The following VWA8 variants were observed in gnomAD, a reference collection of about 807,000 sequenced individuals.
The protein encoded by VWA8 is von Willebrand factor A domain containing 8.
A neutral mutation model predicts 241.5 loss-of-function variants in VWA8; 221 were observed. That is an observed-to-expected ratio of 0.91 (90% confidence interval 0.82 to 1.02). The LOEUF is 1.02. Among genes scored for constraint, VWA8 ranks in the 50% least tolerant of loss-of-function variants. The pLI is 0.00. For synonymous variants in VWA8, 852 were observed against 827.1 expected (o/e 1.03, Z -0.52); for missense variants, 2,322 against 2,328.7 (o/e 1.00, Z 0.06).
In VWA8 at chr13:41,581,054, C is replaced by CT. The variant is rs2044379590; in HGVS notation, c.5272-5217_5272-5216insA. On this transcript the variant is annotated intron_variant, in intron 42 of 44. Transcript: ENST00000379310. Reference sequence around the variant, plus strand: ...TCTCGCTGTCGTCCAGGCTGGAGTGCAGTGGCGCAATCTCGGCTCACTGCA... The same window carrying CT: ...TCTCGCTGTCGTCCAGGCTGGAGTGCTAGTGGCGCAATCTCGGCTCACTGCA... 2.6e-5 allele frequency among the ~76,000 whole-genome samples: 2 copies of CT among 78,294 alleles called. 1 individual carries two copies. The highest frequency in any genetic ancestry group is 4.2e-5 in the Non-Finnish European group (2 of 47,426). 51.4% of individuals were successfully genotyped at this position (78,294 alleles called of 152,430 possible).
intron 2 of VWA8, among the ~76,000 whole-genome samples, chr13:41,929,996 G>C (rs1006438880): frequency 4.6e-5 from 7 of 152,046 alleles, no homozygotes; most frequent in African/African-American, 1.4e-4. Flanking sequence ...TCTGGTGAGG[G>C]GCTAATATCC....
intron 3 of VWA8, among the ~76,000 whole-genome samples, 177 bp downstream of exon 3, chr13:41,911,861 T>C (rs998997272): frequency 6.6e-6 from 1 of 152,240 alleles, no homozygotes; most frequent in African/African-American, 2.4e-5. Context: ...GCTAAAGCTA[T>C]ACATTTGACT....
intron 19 of VWA8, 131 bp from the exon 20 acceptor site, chr13:41,778,187 C>T (rs891352366): frequency 1.9e-6 from 1 of 513,428 alleles, no homozygotes; most frequent in Non-Finnish European, 3.0e-6. Context: ...TTTGATATAA[C>T]CCAAAATTAA....
Position 41,880,599 on chromosome 13 carries a change from C to T in VWA8, c.1080+2788G>A, listed in dbSNP as rs553569131. 3.3e-5 allele frequency among the ~76,000 whole-genome samples: 5 copies of T among 152,318 alleles called. No homozygotes were observed. The South Asian group carries it at 1.0e-3, about 32-fold the overall frequency. On this transcript the variant is annotated intron_variant, in intron 9 of 44. Coordinates refer to ENST00000379310, the MANE Select transcript of VWA8 (RefSeq NM_015058.2). ...TCCAATCTCTTCAGTCTCCTTTAGC[C>T]TGGAACATTTCTATGTTTTTCCCTG...
rs1443115249 is a variant in VWA8, at chr13:41,671,156, A to T, written c.4410-9T>A. 6.2e-7 allele frequency: 1 copy of T among 1,613,144 alleles called. No homozygotes were observed. The highest frequency in any genetic ancestry group is 1.1e-5 in the South Asian group (1 of 91,020). ...GCGAGAGAGATTCTGATCTGGAAAA[A>T]GGAATCCAAGTGAAGCTAAGAGACC... On this transcript the variant is annotated splice_polypyrimidine_tract_variant and intron_variant, in intron 36 of 44. Transcript: ENST00000379310.
intron 12 of VWA8, among the ~76,000 whole-genome samples, chr13:41,850,577 T>C (rs1872489794): frequency 6.6e-6 from 1 of 152,086 alleles, no homozygotes; most frequent in Non-Finnish European, 1.5e-5. Context: ...CTCAGAGACT[T>C]AGTTGATAGG....
At chr13:41,834,930 A>G (rs531623396) in intron 12 of VWA8, among the ~76,000 whole-genome samples, 4 of 152,228 alleles carry the variant, frequency 2.6e-5, no homozygotes, top group Non-Finnish European at 5.9e-5. Context: ...TGTCCTTTGC[A>G]GGGACATGGA....
chr13:41,833,340 T>A, intron 13 of VWA8, 31 bp downstream of exon 13: 3 of 1,581,478 alleles, frequency 1.9e-6, no homozygotes, highest in Non-Finnish European at 1.7e-6. Flanking sequence ...GGGGTGTGTG[T>A]CTGTGTGTGA....
chr13:41,805,391 C>T (rs1224008967), intron 17 of VWA8, among the ~76,000 whole-genome samples: 1 of 152,112 alleles, frequency 6.6e-6, no homozygotes, highest in Non-Finnish European at 1.5e-5. Flanking sequence ...TATATATGCA[C>T]CCAATACTAG....
chr13:41,773,462 C>T (rs1420595753), intron 20 of VWA8, among the ~76,000 whole-genome samples: 1 of 152,146 alleles, frequency 6.6e-6, no homozygotes. Context: ...TATAACTCTC[C>T]TAGATGATCA....
intron 24 of VWA8, among the ~76,000 whole-genome samples, chr13:41,724,796 T>C (rs2045419444): frequency 2.6e-5 from 4 of 152,206 alleles, no homozygotes; most frequent in Admixed American, 2.0e-4. Flanking sequence ...TTTCAATCTC[T>C]TGCAGTAAGT....
chr13:41,917,934 A>G (rs1462641707), intron 2 of VWA8, among the ~76,000 whole-genome samples: 1 of 152,228 alleles, frequency 6.6e-6, no homozygotes, highest in Non-Finnish European at 1.5e-5. Context: ...CAAAGGAAGC[A>G]TGACTAACCT....
chr13:41,690,588 CTT>C (rs1306905902), intron 32 of VWA8, among the ~76,000 whole-genome samples: 2 of 152,054 alleles, frequency 1.3e-5, no homozygotes, highest in African/African-American at 4.8e-5. Context: ...TGATAAAACT[CTT>C]TGATCAGCCA....
chr13:41,616,489 C>G (rs2044620713), intron 37 of VWA8, among the ~76,000 whole-genome samples: 2 of 151,606 alleles, frequency 1.3e-5, no homozygotes, highest in Admixed American at 1.3e-4. Flanking sequence ...TAGCTAGGAA[C>G]ATTTAGAGAA....
intron 21 of VWA8, among the ~76,000 whole-genome samples, chr13:41,756,529 T>C (rs2045696084): frequency 6.6e-6 from 1 of 151,724 alleles, no homozygotes; most frequent in African/African-American, 2.4e-5. Flanking sequence ...GATTTTAATT[T>C]CCAAAGCCAT....
chr13:41,747,986 T>C (rs2045623159), intron 21 of VWA8, among the ~76,000 whole-genome samples: 1 of 152,240 alleles, frequency 6.6e-6, no homozygotes, highest in African/African-American at 2.4e-5. Context: ...GATGTGCTGC[T>C]GGATTCGGTT....
intron 12 of VWA8, among the ~76,000 whole-genome samples, chr13:41,847,343 G>A (rs1453891396): frequency 6.6e-6 from 1 of 152,144 alleles, no homozygotes; most frequent in East Asian, 1.9e-4. Flanking sequence ...CATCAAAAAC[G>A]CTTTCTCTAC....
intron 1 of VWA8, among the ~76,000 whole-genome samples, chr13:41,950,667 C>CTT (rs373790890): frequency 0.12 from 13,875 of 119,380 alleles, 1,164 homozygotes; most frequent in African/African-American, 0.22. Flanking sequence ...CACACTCAGC[C>CTT]TTTTTTTTTT....
At chr13:41,761,975 C>T (rs999135498) in intron 20 of VWA8, among the ~76,000 whole-genome samples, 2 of 152,052 alleles carry the variant, frequency 1.3e-5, no homozygotes, top group Admixed American at 1.3e-4. Context: ...AAGCTGACTT[C>T]ATATCATACA....
Sources: gnomAD v4.1 joint callset for allele counts (sites outside exome capture counted in the v4.1 genomes callset) on GRCh38, gnomAD v4.1.1 for gene constraint, MANE v1.5 for transcripts, NCBI Gene and HGNC (gene_info 2026-07-23, HGNC 2026-07-21) for gene names.